The following MTHFD2 variants were observed in gnomAD, a reference collection of about 807,000 sequenced individuals.
MTHFD2 encodes the protein methylenetetrahydrofolate dehydrogenase (NADP+ dependent) 2, methenyltetrahydrofolate cyclohydrolase, also known as bifunctional methylenetetrahydrofolate dehydrogenase/cyclohydrolase, mitochondrial.
MTHFD2 carries 26 observed loss-of-function variants against 36.8 expected under a neutral mutation model. The observed-to-expected ratio is 0.71, with a 90% CI of 0.52 to 0.98. The LOEUF is 0.98. MTHFD2 is among the 50% of genes least tolerant of loss of function. The pLI, the probability that MTHFD2 is intolerant of heterozygous loss-of-function variation, is 0.00. For missense variants in MTHFD2, 373 were observed against 434.0 expected, an observed-to-expected ratio of 0.86 and a Z score of 1.25; for synonymous variants, 164 against 155.2, an observed-to-expected ratio of 1.06 and a Z score of -0.42.
rs1236450831 is a variant in MTHFD2 at position 74,207,895 on chromosome 2, T to C, written c.409+69T>C. 59 of 1,454,426 alleles carry C rather than the reference T, an allele frequency of 4.1e-5. 1 individual carries two copies. The South Asian group carries it at 6.0e-4, about 15-fold the overall frequency. The allele number at this position is 1,454,426 out of a possible 1,614,324, so 90.1% of individuals were successfully genotyped here. On this transcript the variant is annotated intron_variant, in intron 3 of 7. Transcript: ENST00000394053. Reference sequence around the variant, plus strand: ...TCCTTTCCCTCTCCCTCCCTCTCTCTCTCCCTCCCCATCCCCCTCCTCCTC... The same window carrying C: ...TCCTTTCCCTCTCCCTCCCTCTCTCCCTCCCTCCCCATCCCCCTCCTCCTC...
intron 4 of MTHFD2, 137 bp downstream of exon 4, chr2:74,208,858 C>CT (rs1694242424): frequency 1.1e-6 from 1 of 911,600 alleles, no homozygotes; most frequent in African/African-American, 1.7e-5. Flanking sequence ...GTTTACCTCT[C>CT]TTAACAGTTT....
intron 1 of MTHFD2, among the ~76,000 whole-genome samples, chr2:74,205,347 T>A (rs1477088186): frequency 6.6e-6 from 1 of 152,096 alleles, no homozygotes; most frequent in African/African-American, 2.4e-5. Context: ...TTAGTAATGA[T>A]CAGGGCGCAG....
At chr2:74,201,272 G>T (rs1207152437) in intron 1 of MTHFD2, among the ~76,000 whole-genome samples, 1 of 152,058 alleles carries the variant, frequency 6.6e-6, no homozygotes, top group Non-Finnish European at 1.5e-5. Flanking sequence ...ACAGGCATGA[G>T]CCACAGTTTT....
intron 5 of MTHFD2, 91 bp downstream of exon 5, chr2:74,210,140 C>G: frequency 1.0e-6 from 1 of 981,066 alleles, no homozygotes; most frequent in Non-Finnish European, 1.5e-6. Flanking sequence ...AGTATTAACT[C>G]TGTTATACTT....
At chr2:74,213,301 G>A (rs906686185) in intron 7 of MTHFD2, among the ~76,000 whole-genome samples, 2 of 103,808 alleles carry the variant, frequency 1.9e-5, no homozygotes, top group African/African-American at 4.1e-5. Context: ...TTTTGAGACA[G>A]GATCCCTCTC....
intron 6 of MTHFD2, 181 bp downstream of exon 6, chr2:74,211,472 A>T (rs555959522): frequency 2.0e-6 from 1 of 501,442 alleles, no homozygotes; most frequent in South Asian, 4.1e-5. Context: ...AGTCCATTAT[A>T]GTCTAGATGG....
Position 74,208,219 on chromosome 2 carries a change from A to T in MTHFD2, c.410-350A>T, listed in dbSNP as rs910926726. Among the ~76,000 whole-genome samples, 3 of 151,188 alleles carry T rather than the reference A, an allele frequency of 2.0e-5. No homozygotes were observed. The South Asian group carries it at 6.3e-4, about 32-fold the overall frequency. On this transcript the variant is annotated intron_variant, in intron 3 of 7. Transcript: ENST00000394053. The stretch of plus-strand genomic sequence containing the variant: ...TTCTGAGGGGTAAAAAGGCCTTGTT[A>T]CTTTATACACCTGGTTCTTCATGTG...
In MTHFD2 at chr2:74,211,294, A is replaced by ATT; in HGVS notation, c.763+3_763+4insTT. 1 of 1,578,068 alleles carries ATT rather than the reference A, an allele frequency of 6.3e-7. No homozygotes were observed. Among genetic ancestry groups the ATT allele is most frequent in the Non-Finnish European group, 8.7e-7 (1 of 1,149,288 alleles). On this transcript the variant is annotated splice_donor_region_variant and intron_variant, in intron 6 of 7. Coordinates refer to ENST00000394053, the MANE Select transcript of MTHFD2 (RefSeq NM_006636.4). ...AGATATTGTAATATCTGCTGCAGGTAAGAACACAAGGGGGATGGAGGGAAG... is the reference window on the plus strand; with the variant it reads ...AGATATTGTAATATCTGCTGCAGGTATTAGAACACAAGGGGGATGGAGGGAAG...
chr2:74,205,643 A>G, intron 1 of MTHFD2, 62 bp from the exon 2 acceptor site: 7 of 1,544,908 alleles, frequency 4.5e-6, no homozygotes, highest in Non-Finnish European at 6.1e-6. Context: ...TACACCTGGC[A>G]GAGTTTTAGT....
chr2:74,200,998 T>C (rs976197821), intron 1 of MTHFD2, among the ~76,000 whole-genome samples: 4 of 152,228 alleles, frequency 2.6e-5, no homozygotes, highest in African/African-American at 9.6e-5. Context: ...AATTTTATTT[T>C]ATTTTTTGAG....
At chr2:74,203,911 TTTA>T (rs1558852993) in intron 1 of MTHFD2, among the ~76,000 whole-genome samples, 3 of 84,400 alleles carry the variant, frequency 3.6e-5, no homozygotes, top group African/African-American at 1.3e-4. Flanking sequence ...GTTTAGTTAG[TTTA>T]GTTTAGTTTA....
chr2:74,206,873 G>A lies in MTHFD2; in HGVS notation c.287-831G>A, dbSNP rs191510963. ...ATAGGCATGGGCCACCATGCCTGGC[G>A]AATTTTGTATTTTTAGTAGAGATGG... On this transcript the variant is annotated intron_variant, in intron 2 of 7. Transcript: ENST00000394053. Among the ~76,000 whole-genome samples, 832 of 151,512 alleles carry A rather than the reference G, an allele frequency of 5.5e-3. 8 individuals are homozygous for A. The highest frequency in any genetic ancestry group is 0.018 in the African/African-American group (748 of 41,276).
chr2:74,207,289 T>C (rs958555730), intron 2 of MTHFD2, among the ~76,000 whole-genome samples: 1 of 152,090 alleles, frequency 6.6e-6, no homozygotes, highest in African/African-American at 2.4e-5. Context: ...CCACCAAGCC[T>C]GGCTAATTTT....
At chr2:74,199,881 T>C (rs1195592242) in intron 1 of MTHFD2, among the ~76,000 whole-genome samples, 1 of 152,194 alleles carries the variant, frequency 6.6e-6, no homozygotes, top group African/African-American at 2.4e-5. Context: ...ATTGTTGGCA[T>C]TGTTAGAGCC....
At position 74,208,643 on chromosome 2, in the gene MTHFD2, G is replaced by A. The variant is rs1694237473; in HGVS notation, c.484G>A (p.Val162Ile). The change falls in exon 4 of 8, where the codon GTA becomes ATA. Residue 162 changes from valine to isoleucine, a missense_variant. Around this residue, in one of 2 missense-constraint regions of MTHFD2, gnomAD observed 308 missense variants for 397.8 expected, o/e 0.77. Coordinates refer to ENST00000394053, the MANE Select transcript of MTHFD2 (RefSeq NM_006636.4). ...TGTTGATGGCTTTCATGTAATTAAT[G>A]TAGGACGAATGTGTTTGGATCAGTA... ...KDVDGFHVIN[V>I]GRMCLDQYSM... 6.2e-7 allele frequency: 1 copy of A among 1,614,052 alleles called. No individual in the cohort carries two copies. The highest frequency in any genetic ancestry group is 8.5e-7 in the Non-Finnish European group (1 of 1,180,014).
rs1028737444 is a variant in MTHFD2, at chr2:74,212,423, C to T, written c.889+557C>T. ...CCAGGACTACAGGCATGGGCCACCA[C>T]GCCCAACTAATTTTGTGTATTTTTA... On this transcript the variant is annotated intron_variant, in intron 7 of 7. Transcript: ENST00000394053. Among the ~76,000 whole-genome samples, 8 of 152,044 alleles carry T rather than the reference C, an allele frequency of 5.3e-5. No individual in the cohort carries two copies. In the East Asian group the frequency reaches 7.8e-4, roughly 15 times the overall value.
Position 74,211,188 on chromosome 2 carries a change from T to C in MTHFD2, c.671-11T>C. The C allele has an allele frequency of 6.4e-7, 1 of 1,569,394 alleles. No homozygotes were observed. The highest frequency in any genetic ancestry group is 1.1e-5 in the South Asian group (1 of 89,732). On this transcript the variant is annotated splice_polypyrimidine_tract_variant and intron_variant, in intron 5 of 7. Transcript: ENST00000394053. Reference sequence around the variant, plus strand: ...TGTCAGAAATCAAGACATCTATTTTTTTCTTTCTAGGTGATGCCACTGTTA... The same window carrying C: ...TGTCAGAAATCAAGACATCTATTTTCTTCTTTCTAGGTGATGCCACTGTTA...
rs1249200974 is a variant in MTHFD2 at position 74,217,559 on chromosome 2, G to A, written c.*3317G>A. The A allele has an allele frequency of 6.6e-6, 1 of 152,138 alleles. No individual in the cohort carries two copies. Among genetic ancestry groups the A allele is most frequent in the African/African-American group, 2.4e-5 (1 of 41,418 alleles). 9.4% of individuals were successfully genotyped at this position (152,138 alleles called of 1,614,324 possible). A position where few individuals can be genotyped will look rare whatever the true frequency, so the allele number is the denominator to read the frequency against. ...AATAAACATTGAAAATTTGCAGGGA[G>A]GACCCACCCAAATGTATCATGAAAT... On this transcript the variant is annotated 3_prime_UTR_variant, in exon 8 of 8. Transcript: ENST00000394053.
At chr2:74,203,033 C>T (rs946594675) in intron 1 of MTHFD2, among the ~76,000 whole-genome samples, 2 of 152,016 alleles carry the variant, frequency 1.3e-5, no homozygotes, top group African/African-American at 4.8e-5. Flanking sequence ...TGGAGTCTTG[C>T]CCTGTTACAC....
Sources: gnomAD v4.1 joint callset for allele counts (sites outside exome capture counted in the v4.1 genomes callset) on GRCh38, gnomAD v4.1.1 for gene constraint, gnomAD v4.1.1 regional missense constraint, MANE v1.5 for transcripts, NCBI Gene and HGNC (gene_info 2026-07-23, HGNC 2026-07-21) for gene names.